B4GALT6: variants seen among roughly 807,000 people sequenced by gnomAD.
The protein encoded by B4GALT6 is UDP-Gal:beta-GlcNAc beta-1,4-galactosyltransferase 6.
In B4GALT6, 14 loss-of-function variants were observed where a neutral mutation model predicts 46.3. That is an observed-to-expected ratio of 0.30 (90% CI 0.20 to 0.47). B4GALT6 has a LOEUF of 0.47. Ranked by LOEUF, B4GALT6 falls within the 20% of genes least tolerant of loss-of-function variation. B4GALT6 has a pLI of 0.99. For missense variants in B4GALT6, 386 were observed against 480.1 expected, an observed-to-expected ratio of 0.80 and a Z score of 1.83; for synonymous variants, 168 against 162.0, an observed-to-expected ratio of 1.04 and a Z score of -0.28.
In B4GALT6 at chr18:31,650,347, G is replaced by C. The variant is rs541645110; in HGVS notation, c.347-4868C>G. On this transcript the variant is annotated intron_variant, in intron 3 of 8. Transcript: ENST00000306851. ...TTAACTGAACACATTTCAACGGCTT[G>C]AACTACCCACCATTGGGTCCTGCCT... Among the ~76,000 whole-genome samples, 69 of 152,310 alleles carry C rather than the reference G, an allele frequency of 4.5e-4. No homozygotes were observed. In the South Asian group the frequency reaches 0.01, roughly 22 times the overall value.
At chr18:31,701,320 C>A in the B4GALT6 span, among the ~76,000 whole-genome samples, 1 of 152,198 alleles carries the variant, frequency 6.6e-6, no homozygotes, top group Admixed American at 6.5e-5. Context: ...CCATGTAAGA[C>A]ATTCCTGCTT....
the B4GALT6 span, among the ~76,000 whole-genome samples, chr18:31,716,390 G>A: frequency 6.6e-6 from 1 of 152,184 alleles, no homozygotes; most frequent in Non-Finnish European, 1.5e-5. Context: ...AACAGAGAAT[G>A]TCTGAAAGAA....
At chr18:31,711,720 C>G in the B4GALT6 span, among the ~76,000 whole-genome samples, 1 of 152,208 alleles carries the variant, frequency 6.6e-6, no homozygotes, top group African/African-American at 2.4e-5. Context: ...ACTATCAACT[C>G]TATCTGTGCA....
the B4GALT6 span, among the ~76,000 whole-genome samples, chr18:31,702,989 GGGCCT>G: frequency 1.3e-5 from 2 of 152,196 alleles, no homozygotes; most frequent in Non-Finnish European, 2.9e-5. Flanking sequence ...ATGAGAATTA[GGGCCT>G]TTGCAGTATG....
upstream of B4GALT6, chr18:31,684,848 C>T: frequency 1.2e-6 from 1 of 859,188 alleles, no homozygotes; most frequent in Non-Finnish European, 1.4e-6. Context: ...GCAGCACGCC[C>T]GGCTCCGCTG....
At chr18:31,669,250 T>C (rs1232724505) in intron 1 of B4GALT6, among the ~76,000 whole-genome samples, 7 of 152,202 alleles carry the variant, frequency 4.6e-5, no homozygotes, top group Non-Finnish European at 8.8e-5. Flanking sequence ...TCGAATCTCT[T>C]CTACTTTTGA....
At chr18:31,626,447 G>T in intron 7 of B4GALT6, 63 bp from the exon 8 acceptor site, 1 of 936,938 alleles carries the variant, frequency 1.1e-6, no homozygotes, top group Admixed American at 2.2e-5. Flanking sequence ...GGTTATGTGA[G>T]TTCAATTTTA....
intron 2 of B4GALT6, among the ~76,000 whole-genome samples, chr18:31,664,162 C>CACCAAGATGGCACCCA (rs11272422): frequency 0.25 from 37,989 of 152,070 alleles, 6,832 homozygotes; most frequent in African/African-American, 0.51. Flanking sequence ...CAAGTTCAAA[C>CACCAAGATGGCACCCA]AGCAGCCATC....
chr18:31,683,889 C>T (rs1454126428), intron 1 of B4GALT6, among the ~76,000 whole-genome samples: 1 of 152,122 alleles, frequency 6.6e-6, no homozygotes, highest in Non-Finnish European at 1.5e-5. Flanking sequence ...AATCACATTC[C>T]CTGCTGCTGG....
the B4GALT6 span, among the ~76,000 whole-genome samples, chr18:31,709,807 G>A: frequency 6.6e-6 from 1 of 151,924 alleles, no homozygotes; most frequent in Non-Finnish European, 1.5e-5. Context: ...GAAATAAGAA[G>A]TGTGGCCAGG....
chr18:31,697,960 T>C, the B4GALT6 span, among the ~76,000 whole-genome samples: 20 of 152,356 alleles, frequency 1.3e-4, no homozygotes, highest in East Asian at 3.7e-3. Context: ...TGTTTTCATT[T>C]ATCCTGGTAG....
chr18:31,674,866 A>G (rs1464177112), intron 1 of B4GALT6, among the ~76,000 whole-genome samples: 1 of 152,112 alleles, frequency 6.6e-6, no homozygotes, highest in African/African-American at 2.4e-5. Context: ...AAAAAAAAAA[A>G]TTCTTTTATG....
intron 2 of B4GALT6, among the ~76,000 whole-genome samples, chr18:31,665,980 C>T (rs952142410): frequency 2.6e-5 from 4 of 152,136 alleles, no homozygotes; most frequent in African/African-American, 7.2e-5. Flanking sequence ...TTAAATACAA[C>T]ATACGAATTG....
At chr18:31,656,525 T>A (rs939168430) in intron 3 of B4GALT6, among the ~76,000 whole-genome samples, 36 of 151,812 alleles carry the variant, frequency 2.4e-4, no homozygotes, top group African/African-American at 8.5e-4. Flanking sequence ...TAATTAAAAA[T>A]ATATATATTT....
chr18:31,694,901 T>A, the B4GALT6 span, among the ~76,000 whole-genome samples: 2 of 152,248 alleles, frequency 1.3e-5, no homozygotes, highest in Non-Finnish European at 2.9e-5. Flanking sequence ...CTGTTAATGG[T>A]AGAATAATTT....
intron 1 of B4GALT6, among the ~76,000 whole-genome samples, chr18:31,678,333 T>A: frequency 6.6e-6 from 1 of 152,114 alleles, no homozygotes; most frequent in Non-Finnish European, 1.5e-5. Flanking sequence ...TCTTTTTTTT[T>A]CCTCTCTCTC....
chr18:31,631,202 T>C, intron 5 of B4GALT6, 56 bp from the exon 6 acceptor site: 8 of 1,349,566 alleles, frequency 5.9e-6, no homozygotes, highest in Non-Finnish European at 7.9e-6. Flanking sequence ...TTCATCATCT[T>C]TTTTTTTTTT....
At chr18:31,695,285 T>C in the B4GALT6 span, among the ~76,000 whole-genome samples, 3 of 119,804 alleles carry the variant, frequency 2.5e-5, no homozygotes, top group Non-Finnish European at 5.9e-5. Flanking sequence ...TTCTCCTCCC[T>C]GAAATTAAAA....
chr18:31,659,421 C>T (rs1392797025), intron 2 of B4GALT6, among the ~76,000 whole-genome samples: 1 of 152,168 alleles, frequency 6.6e-6, no homozygotes, highest in East Asian at 1.9e-4. Flanking sequence ...AGGGCAGAGA[C>T]TCACGCCACC....
Sources: gnomAD v4.1 joint callset for allele counts (sites outside exome capture counted in the v4.1 genomes callset) on GRCh38, gnomAD v4.1.1 for gene constraint, MANE v1.5 for transcripts, NCBI Gene and HGNC (gene_info 2026-07-23, HGNC 2026-07-21) for gene names.